ERO1A: variants seen among roughly 807,000 people sequenced by gnomAD.
ERO1A encodes the protein ERO1-like protein alpha.
ERO1A carries 49 observed loss-of-function variants against 76.9 expected under a neutral mutation model. That is an observed-to-expected ratio of 0.64 (90% CI 0.51 to 0.81). The LOEUF (loss-of-function observed/expected upper bound fraction) is 0.81, where lower values mean the gene tolerates loss of function less well. Among genes scored for constraint, ERO1A ranks in the 30% least tolerant of loss-of-function variants. The pLI is 0.00. For missense variants in ERO1A, 448 were observed against 542.1 expected, an observed-to-expected ratio of 0.83 and a Z score of 1.72; for synonymous variants, 174 against 181.2, an observed-to-expected ratio of 0.96 and a Z score of 0.32.
intron 1 of ERO1A, among the ~76,000 whole-genome samples, chr14:52,692,605 A>T (rs1300801397): frequency 6.6e-6 from 1 of 152,206 alleles, no homozygotes; most frequent in Non-Finnish European, 1.5e-5. Context: ...GTTTCTAGCA[A>T]TATTTCCTAA....
At chr14:52,678,544 G>A (rs1445146154) in intron 3 of ERO1A, 72 bp from the exon 4 acceptor site, 1 of 1,320,306 alleles carries the variant, frequency 7.6e-7, no homozygotes, top group African/African-American at 1.5e-5. Context: ...AAATTTCTGT[G>A]ATTTATGAGA....
chr14:52,671,928 T>A, intron 4 of ERO1A, 57 bp from the exon 5 acceptor site: 2 of 1,177,396 alleles, frequency 1.7e-6, no homozygotes, highest in Non-Finnish European at 1.2e-6. Context: ...AAAACTTGTT[T>A]AAAATTTAGA....
In ERO1A at chr14:52,671,706, T is replaced by C. The variant is rs1341431670; in HGVS notation, c.435-3A>G. On this transcript the variant is annotated splice_region_variant and splice_polypyrimidine_tract_variant and intron_variant, in intron 5 of 15. Coordinates refer to ENST00000395686, the MANE Select transcript of ERO1A (RefSeq NM_014584.3). ...GAACAGCCTTCTGTGTTTCCTCACT[T>C]CAAACAAAGAAAAAAAATAACATTA... The C allele has an allele frequency of 6.3e-7, 1 of 1,598,224 alleles. No homozygotes were observed. Among genetic ancestry groups the C allele is most frequent in the East Asian group, 2.2e-5 (1 of 44,568 alleles).
chr14:52,644,724 G>A (rs2039586279), intron 15 of ERO1A, among the ~76,000 whole-genome samples: 2 of 152,012 alleles, frequency 1.3e-5, no homozygotes, highest in African/African-American at 4.8e-5. Context: ...GGCCTATAAA[G>A]AGTAAGAGTA....
intron 9 of ERO1A, among the ~76,000 whole-genome samples, chr14:52,660,586 T>C (rs1290954072): frequency 6.6e-6 from 1 of 152,214 alleles, no homozygotes; most frequent in African/African-American, 2.4e-5. Flanking sequence ...TAAAATAGCA[T>C]TGTTATCAGA....
chr14:52,670,617 G>C (rs2040567094), intron 6 of ERO1A, among the ~76,000 whole-genome samples: 1 of 152,146 alleles, frequency 6.6e-6, no homozygotes, highest in Non-Finnish European at 1.5e-5. Flanking sequence ...AGACATCACA[G>C]ACTCGACTAA....
chr14:52,681,045 G>A (rs1178173652), intron 3 of ERO1A, among the ~76,000 whole-genome samples: 1 of 151,120 alleles, frequency 6.6e-6, no homozygotes, highest in East Asian at 2.0e-4. Context: ...TGGTAGGAAT[G>A]TAAAACGGTA....
At position 52,643,511 on chromosome 14, in the gene ERO1A, T is replaced by G; in HGVS notation, c.*59A>C. 6 of 1,185,072 alleles carry G rather than the reference T, an allele frequency of 5.1e-6. No homozygotes were observed. Among genetic ancestry groups the G allele is most frequent in the South Asian group, 3.1e-5 (2 of 63,800 alleles). 73.4% of individuals were successfully genotyped at this position (1,185,072 alleles called of 1,614,324 possible). ...CTGTCATTGCTATTATGCCTTTGAA[T>G]GAAATTCCACTCTTTCGCCTCCATT... is the stretch of plus-strand genomic sequence containing the variant. On this transcript the variant is annotated 3_prime_UTR_variant, in exon 16 of 16. Transcript: ENST00000395686.
At chr14:52,651,584 G>T (rs1391695101) in intron 13 of ERO1A, among the ~76,000 whole-genome samples, 1 of 152,110 alleles carries the variant, frequency 6.6e-6, no homozygotes, top group Admixed American at 6.5e-5. Context: ...TTGAGGAAAA[G>T]AAAGATTATG....
rs1338230401 is a variant in ERO1A, at chr14:52,683,546, A to T, written c.234+242T>A. On this transcript the variant is annotated intron_variant, in intron 2 of 15. Coordinates refer to ENST00000395686, the MANE Select transcript of ERO1A (RefSeq NM_014584.3). ...CACCATTTTGATAACAATATATAAT[A>T]ATTTCTGTCCTAACTTCAATTTAAC... Among the ~76,000 whole-genome samples the T allele has an allele frequency of 3.9e-5, 6 of 152,338 alleles. No homozygotes were observed. In the East Asian group the frequency reaches 9.6e-4, roughly 24 times the overall value.
At chr14:52,683,933 A>C (rs765580747) in intron 1 of ERO1A, 26 bp from the exon 2 acceptor site, 41 of 1,552,254 alleles carry the variant, frequency 2.6e-5, no homozygotes, top group Non-Finnish European at 3.4e-5. Flanking sequence ...TGAAATATTA[A>C]ATTGAAATGT....
At chr14:52,672,776 C>CAAAAAAAAAAAAAAAAAAAA (rs1226719026) in intron 4 of ERO1A, among the ~76,000 whole-genome samples, 1 of 61,082 alleles carries the variant, frequency 1.6e-5, no homozygotes, top group Non-Finnish European at 3.5e-5. Context: ...TGTCTCTGAC[C>CAAAAAAAAAAAAAAAAAAAA]AAAAAAAAAA....
At chr14:52,687,444 G>C (rs992439941) in intron 1 of ERO1A, among the ~76,000 whole-genome samples, 8 of 152,030 alleles carry the variant, frequency 5.3e-5, no homozygotes, top group African/African-American at 1.9e-4. Context: ...AAACAAAAAA[G>C]AATAGAGCCT....
At position 52,646,469 on chromosome 14, in the gene ERO1A, C is replaced by G. The variant is rs565402634; in HGVS notation, c.1126-8G>C. On this transcript the variant is annotated splice_polypyrimidine_tract_variant and splice_region_variant and intron_variant, in intron 13 of 15. Transcript: ENST00000395686. ...ATGCAGTCGAAAGTCCTCCTGAAAA[C>G]AATTTAACAAGATTTTATTAAGATG... 49 of 1,589,590 alleles carry G rather than the reference C, an allele frequency of 3.1e-5. No homozygotes were observed. The South Asian group carries it at 5.2e-4, about 17-fold the overall frequency.
At chr14:52,666,028 T>G (rs2040399324) in intron 7 of ERO1A, among the ~76,000 whole-genome samples, 1 of 152,168 alleles carries the variant, frequency 6.6e-6, no homozygotes, top group Non-Finnish European at 1.5e-5. Context: ...AATTAAGAGT[T>G]GTATATTCTT....
At chr14:52,657,854 G>A (rs1182336396) in intron 11 of ERO1A, 63 bp downstream of exon 11, 3 of 1,206,716 alleles carry the variant, frequency 2.5e-6, no homozygotes, top group African/African-American at 1.5e-5. Context: ...GTAAATGCCA[G>A]GAAAATTTTA....
At chr14:52,657,836 C>T (rs541869026) in intron 11 of ERO1A, 81 bp downstream of exon 11, 2 of 901,628 alleles carry the variant, frequency 2.2e-6, no homozygotes, top group South Asian at 1.7e-5. Context: ...CAATCTTTTC[C>T]CATTCAGGTA....
chr14:52,695,371 G>A lies in ERO1A; in HGVS notation c.111C>T (p.Cys37=), dbSNP rs140248666. 2,187 of 1,465,830 alleles carry A rather than the reference G, an allele frequency of 1.5e-3. 9 individuals are homozygous for A. The highest frequency in any genetic ancestry group is 1.8e-3 in the Non-Finnish European group (1,979 of 1,098,444). The allele number at this position is 1,465,830 out of a possible 1,614,324, so 90.8% of individuals were successfully genotyped here. A position where few individuals can be genotyped will look rare whatever the true frequency, so the allele number is the denominator to read the frequency against. ...CACCAACGCGCACATCGCTCACCTG[G>A]CAGAAGCACCTCTGTGCCGCTGTCT... ...PPETAAQRCF[C]QVSGYLDDCT... is the part of the protein sequence containing the mutation. The change falls in exon 1 of 16, where the codon TGC becomes TGT. Residue 37 remains cysteine (C), a synonymous_variant. Coordinates refer to ENST00000395686, the MANE Select transcript of ERO1A (RefSeq NM_014584.3).
chr14:52,668,315 G>T (rs994207155), intron 6 of ERO1A, among the ~76,000 whole-genome samples: 5 of 152,132 alleles, frequency 3.3e-5, no homozygotes, highest in Non-Finnish European at 7.3e-5. Context: ...GGAGGCTGAG[G>T]CGGGTGGATC....
Sources: gnomAD v4.1 joint callset for allele counts (sites outside exome capture counted in the v4.1 genomes callset) on GRCh38, gnomAD v4.1.1 for gene constraint, MANE v1.5 for transcripts, NCBI Gene and HGNC (gene_info 2026-07-23, HGNC 2026-07-21) for gene names.